The following SEMA3G variants were observed in gnomAD, a reference collection of about 807,000 sequenced individuals.
SEMA3G encodes semaphorin 3G.
A neutral mutation model predicts 86.2 loss-of-function variants in SEMA3G; 70 were observed. That is an observed-to-expected ratio of 0.81 (90% CI 0.67 to 0.99). The LOEUF is 0.99. Among genes scored for constraint, SEMA3G ranks in the 50% least tolerant of loss-of-function variants. The pLI is 0.00. For missense variants in SEMA3G, 1,002 were observed against 1,072.4 expected, an observed-to-expected ratio of 0.93 and a Z score of 0.92; for synonymous variants, 416 against 441.4, an observed-to-expected ratio of 0.94 and a Z score of 0.72.
In SEMA3G at chr3:52,438,199, G is replaced by A; in HGVS notation, c.1510C>T (p.Gln504Ter). 1.2e-6 allele frequency: 2 copies of A among 1,611,746 alleles called. No individual in the cohort carries two copies. Among genetic ancestry groups the A allele is most frequent in the Non-Finnish European group, 1.7e-6 (2 of 1,179,098 alleles). ...ITEMEISVKRQMLYVGSRLGV... is the reference protein window; with the variant it reads ...ITEMEISVKR ...AGCCGAGAGCCCACGTATAGCATTT[G>A]CTGGGGAGGGACAGAAGCAGAGCCT... The change falls in exon 14 of 16, where the codon CAA (glutamine) becomes TAA (stop). Residue 504 changes from glutamine to a stop codon, truncating the protein, a stop_gained and splice_region_variant. Transcript: ENST00000231721. LOFTEE classifies it high-confidence loss of function.
chr3:52,442,334 G>A lies in SEMA3G; in HGVS notation c.340-30C>T, dbSNP rs776035575. ...GGGGAGAAGGAGGGGGTGGTTGAGG[G>A]GTGAGAGGGGGTGCCCACCATCTCC... On this transcript the variant is annotated intron_variant, in intron 3 of 15. Coordinates refer to ENST00000231721, the MANE Select transcript of SEMA3G (RefSeq NM_020163.3). The surrounding 1 kb of genome is among the most constrained non-coding windows in gnomAD (Gnocchi z 6.1). 2.5e-6 allele frequency: 4 copies of A among 1,607,946 alleles called. No homozygotes were observed. In the South Asian group the frequency reaches 3.3e-5, roughly 13 times the overall value.
rs199738568 is a variant in SEMA3G, at chr3:52,435,871, G to T, written c.2081C>A (p.Ala694Asp). Residue 694 changes from alanine (A) to aspartate (D), a missense_variant, in exon 16 of 16, where the codon GCC becomes GAC. By Grantham distance (126) the Ala-to-Asp change is moderately radical (BLOSUM62 -2). Transcript: ENST00000231721. ...PPEPKPEEPP[A>D]RGGLASTPPK... ...TGGGGTGGAAGCCAGGCCTCCCCGG[G>T]CTGGGGGCTCCTCTGGCTTTGGCTC... 1 of 1,614,098 alleles carries T rather than the reference G, an allele frequency of 6.2e-7. No individual in the cohort carries two copies. The highest frequency in any genetic ancestry group is 1.7e-5 in the Admixed American group (1 of 60,024).
At position 52,442,096 on chromosome 3, in the gene SEMA3G, T is replaced by A; in HGVS notation, c.459+89A>T. 1 of 1,510,014 alleles carries A rather than the reference T, an allele frequency of 6.6e-7. No homozygotes were observed. The highest frequency in any genetic ancestry group is 1.4e-5 in the African/African-American group (1 of 72,614). 93.5% of individuals were successfully genotyped at this position (1,510,014 alleles called of 1,614,324 possible). On this transcript the variant is annotated intron_variant, in intron 4 of 15. Transcript: ENST00000231721. The surrounding 1 kb of genome is among the most constrained non-coding windows in gnomAD (Gnocchi z 6.1). Reference sequence around the variant, plus strand: ...CGCCTTTCAGGCCCCTGCCCCTCTGTCCCTACCCAGGCTCAATGGGAATGT... The same window carrying A: ...CGCCTTTCAGGCCCCTGCCCCTCTGACCCTACCCAGGCTCAATGGGAATGT...
At chr3:52,437,403 T>C in intron 15 of SEMA3G, 124 bp downstream of exon 15, 2 of 1,142,036 alleles carry the variant, frequency 1.8e-6, no homozygotes, top group East Asian at 2.4e-5. Flanking sequence ...TAATACAAAC[T>C]TTTTTTAGGT....
In SEMA3G at chr3:52,442,015, C is replaced by CT; in HGVS notation, c.460-107_460-106insA. 1 of 1,306,348 alleles carries CT rather than the reference C, an allele frequency of 7.7e-7. No individual in the cohort carries two copies. The highest frequency in any genetic ancestry group is 1.1e-6 in the Non-Finnish European group (1 of 947,458). 80.9% of individuals were successfully genotyped at this position (1,306,348 alleles called of 1,614,324 possible). On this transcript the variant is annotated intron_variant, in intron 4 of 15. Transcript: ENST00000231721. This position sits in a 1 kb window ranked among gnomAD's most constrained non-coding sequence, Gnocchi z 6.1. ...CGTGCGGCCAGAGAGCGGGGGTGGG[C>CT]GGAAGGCGTCCTCATCCAGGGCCCC... is the stretch of plus-strand genomic sequence containing the variant.
chr3:52,443,201 C>T (rs752395798), intron 1 of SEMA3G: 5 of 538,346 alleles, frequency 9.3e-6, no homozygotes, highest in Non-Finnish European at 1.6e-5. Flanking sequence ...CATCTGTGCC[C>T]TACCCAGTCC....
At position 52,442,647 on chromosome 3, in the gene SEMA3G, G is replaced by A; in HGVS notation, c.277-26C>T. The A allele has an allele frequency of 6.2e-7, 1 of 1,614,104 alleles. No individual in the cohort carries two copies. The highest frequency in any genetic ancestry group is 1.6e-4 in the Middle Eastern group (1 of 6,062). On this transcript the variant is annotated intron_variant, in intron 2 of 15. Coordinates refer to ENST00000231721, the MANE Select transcript of SEMA3G (RefSeq NM_020163.3). This position sits in a 1 kb window ranked among gnomAD's most constrained non-coding sequence, Gnocchi z 6.1. ...CTGGAACACAGCCCCGCTGACCTCAGGTCCTCCCCTGATCTCACAGGCTCA... is the reference window on the plus strand; with the variant it reads ...CTGGAACACAGCCCCGCTGACCTCAAGTCCTCCCCTGATCTCACAGGCTCA...
chr3:52,435,645 A>G lies in SEMA3G; in HGVS notation c.2307T>C (p.His769=), dbSNP rs1298477697. ...ELGKKMKSRV[H]AEHNRTPREV... ...CCCGGGGCGTCCGATTGTGCTCGGCATGCACCCGGCTCTTCATCTTCTTGC... is the reference window on the plus strand; with the variant it reads ...CCCGGGGCGTCCGATTGTGCTCGGCGTGCACCCGGCTCTTCATCTTCTTGC... Residue 769 remains histidine (H), a synonymous_variant, in exon 16 of 16, where the codon CAT becomes CAC. Transcript: ENST00000231721. 2 of 1,613,672 alleles carry G rather than the reference A, an allele frequency of 1.2e-6. No individual in the cohort carries two copies. Among genetic ancestry groups the G allele is most frequent in the Admixed American group, 1.7e-5 (1 of 60,010 alleles).
At chr3:52,443,390 C>T (rs951934924) in intron 1 of SEMA3G, among the ~76,000 whole-genome samples, 4 of 152,122 alleles carry the variant, frequency 2.6e-5, no homozygotes, top group African/African-American at 7.2e-5. Flanking sequence ...AAGGTATGGC[C>T]GGGAAGGGCT....
At chr3:52,436,210 G>A (rs1340365215) in intron 15 of SEMA3G, 137 bp from the exon 16 acceptor site, 14 of 1,431,392 alleles carry the variant, frequency 9.8e-6, no homozygotes, top group Non-Finnish European at 1.1e-5. Context: ...CCCAGGAGGG[G>A]ACCAGCAGCG....
At position 52,441,003 on chromosome 3, in the gene SEMA3G, A is replaced by C. The variant is rs775648680; in HGVS notation, c.859T>G (p.Phe287Val). Residue 287 changes from phenylalanine to valine, a missense_variant, in exon 8 of 16, where the codon TTC becomes GTC. Phe to Val is a conservative substitution (Grantham distance 50). Transcript: ENST00000231721. ...QRVLVNKWST[F>V]LKARLVCSVP... ...GAGCAGACCAGCCTGGCCTTGAGGAAAGTGCTCCATTTGTTCACCAGCACC... is the reference window on the plus strand; with the variant it reads ...GAGCAGACCAGCCTGGCCTTGAGGACAGTGCTCCATTTGTTCACCAGCACC... The C allele has an allele frequency of 6.9e-6, 11 of 1,605,044 alleles. No homozygotes were observed. The South Asian group carries it at 1.2e-4, about 18-fold the overall frequency.
intron 1 of SEMA3G, 152 bp from the exon 2 acceptor site, chr3:52,443,059 G>A (rs1449016430): frequency 3.9e-6 from 6 of 1,534,820 alleles, no homozygotes; most frequent in Admixed American, 2.0e-5. Flanking sequence ...AAGGCTTTCG[G>A]ACCATGGCTC....
intron 7 of SEMA3G, 77 bp downstream of exon 7, chr3:52,441,187 G>C: frequency 1.1e-5 from 17 of 1,556,582 alleles, no homozygotes; most frequent in Non-Finnish European, 1.5e-5. Flanking sequence ...CTGCTGGCCA[G>C]GGGTGGGGGG....
chr3:52,441,109 T>C (rs528333692), intron 7 of SEMA3G, 61 bp from the exon 8 acceptor site: 1 of 1,464,712 alleles, frequency 6.8e-7, no homozygotes, highest in African/African-American at 1.4e-5. Flanking sequence ...CACCATCCAC[T>C]CTTCTACCCT....
chr3:52,435,361 G>A lies in SEMA3G; in HGVS notation c.*242C>T. ...GAGAACAAATGGCAGATCCCTTGGG[G>A]CTGCCAGCAGCCAGAGGGTGCTGGC... On this transcript the variant is annotated 3_prime_UTR_variant, in exon 16 of 16. Coordinates refer to ENST00000231721, the MANE Select transcript of SEMA3G (RefSeq NM_020163.3). 3.7e-6 allele frequency: 2 copies of A among 545,470 alleles called. No individual in the cohort carries two copies. Among genetic ancestry groups the A allele is most frequent in the East Asian group, 3.1e-5 (1 of 32,686 alleles). The allele number at this position is 545,470 out of a possible 1,614,324, so 33.8% of individuals were successfully genotyped here.
chr3:52,440,213 C>T, intron 10 of SEMA3G, 115 bp from the exon 11 acceptor site: 1 of 1,204,128 alleles, frequency 8.3e-7, no homozygotes, highest in Non-Finnish European at 1.1e-6. Context: ...GAGGGCTCTC[C>T]TCTTCCACTA....
chr3:52,440,810 C>A lies in SEMA3G; in HGVS notation c.942G>T (p.Leu314=). 2 of 1,612,832 alleles carry A rather than the reference C, an allele frequency of 1.2e-6. No homozygotes were observed. The highest frequency in any genetic ancestry group is 2.2e-5 in the East Asian group (1 of 44,882). Reference sequence around the variant, plus strand: ...GGCTCTTCCCGGCCTTGGGCCACAGCAGGAACACATCCTCTGGGGTAGAGA... The same window carrying A: ...GGCTCTTCCCGGCCTTGGGCCACAGAAGGAACACATCCTCTGGGGTAGAGA... ...THFDQLEDVF[L]LWPKAGKSLE... The change falls in exon 9 of 16, where the codon CTG becomes CTT. Residue 314 remains leucine (L), a synonymous_variant. Transcript: ENST00000231721.
Position 52,441,626 on chromosome 3 carries a change from A to G in SEMA3G, c.615T>C (p.Ser205=). 1.9e-6 allele frequency: 3 copies of G among 1,613,712 alleles called. No homozygotes were observed. The highest frequency in any genetic ancestry group is 1.7e-6 in the Non-Finnish European group (2 of 1,179,996). ...AACGCAGAGCTGGCCGAGGACCTCC[A>G]CTTCGGAAGATCATGGCCTCTCGCC... ...FLGREAMIFR[S]GGPRPALRSD... Residue 205 remains serine, a synonymous_variant, in exon 6 of 16, where the codon AGT becomes AGC. Transcript: ENST00000231721.
chr3:52,439,593 C>A (rs892343996), intron 12 of SEMA3G, 87 bp downstream of exon 12: 1 of 1,099,918 alleles, frequency 9.1e-7, no homozygotes, highest in African/African-American at 1.5e-5. Flanking sequence ...GGCTGGCTCC[C>A]TACTGGGCTT....
Sources: gnomAD v4.1 joint callset for allele counts (sites outside exome capture counted in the v4.1 genomes callset) on GRCh38, gnomAD v4.1.1 for gene constraint, Gnocchi (gnomAD v3.1) non-coding constraint, MANE v1.5 for transcripts, NCBI Gene and HGNC (gene_info 2026-07-23, HGNC 2026-07-21) for gene names.